VPS53: variants seen among roughly 807,000 people sequenced by gnomAD.
VPS53 encodes VPS53 subunit of GARP complex.
A neutral mutation model predicts 107.0 loss-of-function variants in VPS53; 70 were observed. The ratio of observed to expected loss-of-function variants is 0.65; its 90% confidence interval spans 0.54 to 0.80. The LOEUF is 0.80. Among genes scored for constraint, VPS53 ranks in the 30% least tolerant of loss-of-function variants. The pLI is 0.00. For missense variants in VPS53, 917 were observed against 1,049.4 expected (o/e 0.87, Z 1.74); for synonymous variants, 409 against 393.3 (o/e 1.04, Z -0.47).
At chr17:706,102 TAAG>T (rs1303860943) in intron 2 of VPS53, 1 of 152,074 alleles carries the variant, frequency 6.6e-6, no homozygotes, top group Non-Finnish European at 1.5e-5. Flanking sequence ...TACTCTAAAA[TAAG>T]AAGGATAACA....
At chr17:557,011 C>T (rs138543510) in intron 15 of VPS53, among the ~76,000 whole-genome samples, 10 of 143,128 alleles carry the variant, frequency 7.0e-5, no homozygotes, top group East Asian at 4.2e-4. Flanking sequence ...CCACCACACC[C>T]GGCTAATTTT....
chr17:681,068 T>C lies in VPS53; in HGVS notation c.285+16350A>G, dbSNP rs1057475593. Reference sequence around the variant, plus strand: ...TAAATATATTACATGTTAGCATAAATTACATGTTTTTTGAAAAATAACTAT... The same window carrying C: ...TAAATATATTACATGTTAGCATAAACTACATGTTTTTTGAAAAATAACTAT... On this transcript the variant is annotated intron_variant, in intron 4 of 21. Transcript: ENST00000437048. 3.2e-4 allele frequency among the ~76,000 whole-genome samples: 48 copies of C among 152,212 alleles called. 1 individual carries two copies. The highest frequency in any genetic ancestry group is 2.9e-3 in the Admixed American group (45 of 15,282).
intron 2 of VPS53, among the ~76,000 whole-genome samples, chr17:701,463 C>T (rs1004577402): frequency 8.6e-5 from 13 of 151,240 alleles, no homozygotes; most frequent in African/African-American, 3.2e-4. Flanking sequence ...CTGCAACCTC[C>T]GACTCCCTGG....
rs964552114 is a variant in VPS53, at chr17:658,296, G to A, written c.373-2343C>T. Among the ~76,000 whole-genome samples the A allele has an allele frequency of 1.5e-4, 19 of 130,584 alleles. 2 individuals are homozygous for A. Among genetic ancestry groups the A allele is most frequent in the Admixed American group, 1.1e-3 (14 of 13,036 alleles). 85.7% of individuals were successfully genotyped at this position (130,584 alleles called of 152,430 possible). ...TGAGAAACTCGGCCGTGAGTTCGTG[G>A]ATAGATACATCCCACTGAAGTGAGA... On this transcript the variant is annotated intron_variant, in intron 5 of 21. Transcript: ENST00000437048.
chr17:673,120 AAC>A (rs1439463724), intron 4 of VPS53, among the ~76,000 whole-genome samples: 5 of 149,222 alleles, frequency 3.4e-5, no homozygotes, highest in South Asian at 2.1e-4. Context: ...GCAAAAAAAA[AAC>A]AAAAACAAAA....
At chr17:534,836 TAAG>T (rs1909895838) in intron 18 of VPS53, among the ~76,000 whole-genome samples, 1 of 150,576 alleles carries the variant, frequency 6.6e-6, no homozygotes, top group South Asian at 2.1e-4. Flanking sequence ...GAGAATCACC[TAAG>T]CCCAGGAGAT....
chr17:563,338 C>T (rs1332825444), intron 13 of VPS53, among the ~76,000 whole-genome samples: 2 of 145,946 alleles, frequency 1.4e-5, no homozygotes, highest in African/African-American at 5.1e-5. Context: ...TCTGTTGGCC[C>T]AGGCTGGAGT....
chr17:522,440 A>C (rs1041884908), intron 19 of VPS53, among the ~76,000 whole-genome samples: 1 of 152,170 alleles, frequency 6.6e-6, no homozygotes, highest in African/African-American at 2.4e-5. Context: ...TCATGGCGAG[A>C]CCCCATCTCT....
chr17:564,222 CCG>C (rs1172015590), intron 13 of VPS53, among the ~76,000 whole-genome samples: 3 of 151,922 alleles, frequency 2.0e-5, no homozygotes, highest in Non-Finnish European at 4.4e-5. Flanking sequence ...TGGCAAAACC[CCG>C]TCTCTACTAA....
chr17:614,025 C>T (rs938206787), intron 11 of VPS53, among the ~76,000 whole-genome samples: 1 of 152,216 alleles, frequency 6.6e-6, no homozygotes, highest in Non-Finnish European at 1.5e-5. Flanking sequence ...GACACAAAAA[C>T]CACACATCGT....
At chr17:709,596 G>A (rs1973560181) in intron 2 of VPS53, among the ~76,000 whole-genome samples, 3 of 152,034 alleles carry the variant, frequency 2.0e-5, no homozygotes, top group South Asian at 4.1e-4. Flanking sequence ...ACACCTCAAG[G>A]GCATGGACTG....
rs1189642140 is a variant in VPS53 at position 508,669 on chromosome 17, C to G, written c.*10459G>C. ...CATGAAGACTTCAGGAGACAAGGAG[C>G]CTGTTACCATCTCTGTTTAATTGAA... On this transcript the variant is annotated 3_prime_UTR_variant, in exon 22 of 22. Coordinates refer to ENST00000437048, the MANE Select transcript of VPS53 (RefSeq NM_001128159.3). 21 of 152,296 alleles carry G rather than the reference C, an allele frequency of 1.4e-4. No homozygotes were observed. The allele number at this position is 152,296 out of a possible 1,614,324, so 9.4% of individuals were successfully genotyped here. A position where few individuals can be genotyped will look rare whatever the true frequency, so the allele number is the denominator to read the frequency against.
chr17:625,474 T>A (rs1358831566), intron 10 of VPS53, among the ~76,000 whole-genome samples: 1 of 111,650 alleles, frequency 9.0e-6, no homozygotes, highest in African/African-American at 3.1e-5. Context: ...CCCCCATCTC[T>A]TAAAAAAAAA....
intron 11 of VPS53, among the ~76,000 whole-genome samples, chr17:614,570 G>T (rs890354698): frequency 9.2e-5 from 14 of 152,316 alleles, no homozygotes; most frequent in Admixed American, 7.8e-4. Flanking sequence ...GCTGAAGGGA[G>T]TGCATGAGGC....
At chr17:671,475 TG>T (rs1387972909) in intron 4 of VPS53, among the ~76,000 whole-genome samples, 1 of 152,136 alleles carries the variant, frequency 6.6e-6, no homozygotes, top group Non-Finnish European at 1.5e-5. Context: ...CCAGTTACTG[TG>T]TGATTTCTGT....
intron 2 of VPS53, among the ~76,000 whole-genome samples, chr17:704,732 T>C (rs1597509382): frequency 6.6e-6 from 1 of 152,156 alleles, no homozygotes; most frequent in Non-Finnish European, 1.5e-5. Context: ...ACTGAATCTG[T>C]GGAACAACAA....
intron 4 of VPS53, among the ~76,000 whole-genome samples, chr17:669,880 G>A (rs540640127): frequency 7.9e-4 from 117 of 148,400 alleles, no homozygotes; most frequent in South Asian, 4.0e-3. Flanking sequence ...GACAGAGCGA[G>A]ACTCCATCTA....
At chr17:570,054 T>A (rs769173872) in intron 13 of VPS53, among the ~76,000 whole-genome samples, 4 of 151,972 alleles carry the variant, frequency 2.6e-5, no homozygotes, top group Non-Finnish European at 4.4e-5. Flanking sequence ...AGAGACAACA[T>A]CTACACCAAG....
intron 17 of VPS53, among the ~76,000 whole-genome samples, chr17:543,571 C>G (rs1910873163): frequency 6.6e-6 from 1 of 151,666 alleles, no homozygotes; most frequent in Non-Finnish European, 1.5e-5. Context: ...ACAGCCCCTG[C>G]TAGGGAGCCC....
Sources: allele counts gnomAD v4.1 joint callset (sites outside exome capture counted in the v4.1 genomes callset), GRCh38; gene constraint gnomAD v4.1.1; transcripts MANE v1.5; gene names NCBI Gene and HGNC (gene_info 2026-07-23, HGNC 2026-07-21).